The following PDE1C variants were observed in gnomAD, a reference collection of about 807,000 sequenced individuals.
PDE1C encodes the protein dual specificity calcium/calmodulin-dependent 3',5'-cyclic nucleotide phosphodiesterase 1C.
In PDE1C, 62 loss-of-function variants were observed where a neutral mutation model predicts 93.1. The observed-to-expected ratio is 0.67, with a 90% CI of 0.54 to 0.82. The LOEUF (loss-of-function observed/expected upper bound fraction) is 0.82, where lower values mean the gene tolerates loss of function less well. PDE1C is among the 40% of genes least tolerant of loss of function. The pLI is 0.00. For synonymous variants in PDE1C, 325 were observed against 310.1 expected, an observed-to-expected ratio of 1.05 and a Z score of -0.50; for missense variants, 742 against 884.6, an observed-to-expected ratio of 0.84 and a Z score of 2.04.
the PDE1C span, among the ~76,000 whole-genome samples, chr7:31,637,439 T>G: frequency 6.6e-6 from 1 of 152,214 alleles, no homozygotes; most frequent in African/African-American, 2.4e-5. Flanking sequence ...CTAACTGGTG[T>G]GAGATGGTAT....
chr7:32,102,734 G>A (rs1194078356), intron 3 of PDE1C, among the ~76,000 whole-genome samples: 1 of 152,258 alleles, frequency 6.6e-6, no homozygotes, highest in Non-Finnish European at 1.5e-5. Flanking sequence ...TTTAGTCTTT[G>A]TGTTCCTGGT....
At chr7:32,206,191 G>A (rs111496429) in intron 2 of PDE1C, among the ~76,000 whole-genome samples, 10 of 152,112 alleles carry the variant, frequency 6.6e-5, no homozygotes. Context: ...TAGCATGTAG[G>A]AGACCTTTGA....
chr7:32,334,833 G>A (rs1212126016), intron 1 of PDE1C, among the ~76,000 whole-genome samples: 1 of 152,072 alleles, frequency 6.6e-6, no homozygotes, highest in Non-Finnish European at 1.5e-5. Flanking sequence ...GTTCATAGTA[G>A]TTATCTTTGA....
At chr7:31,946,353 C>T (rs1365363238) in intron 2 of PDE1C, among the ~76,000 whole-genome samples, 2 of 152,038 alleles carry the variant, frequency 1.3e-5, no homozygotes, top group Non-Finnish European at 2.9e-5. Context: ...GGAAGGCTGC[C>T]CTGCCACACC....
intron 15 of PDE1C, among the ~76,000 whole-genome samples, chr7:31,814,593 T>C (rs1787989249): frequency 6.6e-6 from 1 of 151,682 alleles, no homozygotes; most frequent in Non-Finnish European, 1.5e-5. Flanking sequence ...GTAGAAATCA[T>C]TGACCACGGC....
intron 1 of PDE1C, among the ~76,000 whole-genome samples, chr7:32,355,119 C>G (rs1353276528): frequency 4.6e-5 from 7 of 152,208 alleles, no homozygotes; most frequent in Non-Finnish European, 8.8e-5. Flanking sequence ...TCCCAGGTAA[C>G]TAACCACAGC....
At chr7:32,203,787 C>G (rs1278469489) in intron 2 of PDE1C, among the ~76,000 whole-genome samples, 1 of 152,178 alleles carries the variant, frequency 6.6e-6, no homozygotes, top group Non-Finnish European at 1.5e-5. Flanking sequence ...TAACTAAGCA[C>G]TTATCCTGTC....
intron 2 of PDE1C, among the ~76,000 whole-genome samples, chr7:31,986,009 C>G (rs566558543): frequency 6.6e-6 from 1 of 152,186 alleles, no homozygotes; most frequent in African/African-American, 2.4e-5. Flanking sequence ...ACTAGTATAC[C>G]ACCAAAATTC....
chr7:31,655,481 G>T, the PDE1C span, among the ~76,000 whole-genome samples: 1 of 152,248 alleles, frequency 6.6e-6, no homozygotes, highest in South Asian at 2.1e-4. Flanking sequence ...CACCATGTGG[G>T]TCATATTTGC....
At chr7:32,163,623 C>T (rs1802048923) in intron 3 of PDE1C, among the ~76,000 whole-genome samples, 1 of 152,138 alleles carries the variant, frequency 6.6e-6, no homozygotes, top group South Asian at 2.1e-4. Context: ...GGAGTAAGCA[C>T]ATGATTCTTC....
At chr7:31,657,501 T>C in the PDE1C span, among the ~76,000 whole-genome samples, 2 of 152,220 alleles carry the variant, frequency 1.3e-5, no homozygotes, top group Non-Finnish European at 2.9e-5. Context: ...TGAGTCGCTT[T>C]CATACAAGGA....
intron 2 of PDE1C, among the ~76,000 whole-genome samples, chr7:31,932,480 G>A (rs771758862): frequency 2.0e-5 from 3 of 152,176 alleles, no homozygotes; most frequent in African/African-American, 4.8e-5. Context: ...ACCATCAGTG[G>A]TCATTAGAGA....
At chr7:32,288,981 T>C (rs1471887087) in intron 1 of PDE1C, among the ~76,000 whole-genome samples, 5 of 152,244 alleles carry the variant, frequency 3.3e-5, no homozygotes, top group African/African-American at 1.2e-4. Flanking sequence ...AAGGAGTCAG[T>C]ATTTTTCAAT....
At chr7:32,390,482 A>T (rs1784729942) in intron 1 of PDE1C, among the ~76,000 whole-genome samples, 2 of 150,782 alleles carry the variant, frequency 1.3e-5, no homozygotes, top group Admixed American at 1.3e-4. Context: ...GCAAAGAATG[A>T]TCTGGCCAAA....
rs78008556 is a variant in PDE1C, at chr7:32,174,312, A to T, written c.137-4356T>A. ...GCCAGGTTTCATTCTTCGCCCTAGA[A>T]ATGGAAAGATGAATGAGACTGGTTC... On this transcript the variant is annotated intron_variant, in intron 2 of 18. Transcript: ENST00000396193. Among the ~76,000 whole-genome samples, 1,510 of 152,188 alleles carry T rather than the reference A, an allele frequency of 9.9e-3. 26 individuals are homozygous for T. The highest frequency in any genetic ancestry group is 0.034 in the African/African-American group (1,416 of 41,522).
chr7:32,147,984 TA>T (rs752433564), intron 3 of PDE1C, among the ~76,000 whole-genome samples: 11,888 of 79,402 alleles, frequency 0.15, 829 homozygotes, highest in Middle Eastern at 0.19. Flanking sequence ...CCATTTATGC[TA>T]AAAAAAAAAA....
chr7:31,805,285 C>G (rs186669222), intron 16 of PDE1C, among the ~76,000 whole-genome samples: 421 of 151,736 alleles, frequency 2.8e-3, no homozygotes, highest in Admixed American at 9.9e-3. Flanking sequence ...GAGATTTCAT[C>G]ACATTCTCAG....
In PDE1C at chr7:32,421,412, C is replaced by T. The variant is rs988202714; in HGVS notation, c.310+6410G>A. Among the ~76,000 whole-genome samples the T allele has an allele frequency of 5.9e-5, 9 of 152,326 alleles. No individual in the cohort carries two copies. In the South Asian group the frequency reaches 1.5e-3, roughly 25 times the overall value. ...ATCAGATTCACCTACACGGATGATC[C>T]GTTAATGTGTGTGTAACCAATATTG... On this transcript the variant is annotated intron_variant, in intron 1 of 1. Coordinates refer to the PDE1C transcript ENST00000672256.
the PDE1C span, chr7:31,655,907 G>A: frequency 1.0e-6 from 1 of 985,398 alleles, no homozygotes; most frequent in Non-Finnish European, 1.2e-6. Flanking sequence ...TCCCTCACCT[G>A]GCAGCCATCT....
Sources: gnomAD v4.1 joint callset for allele counts (sites outside exome capture counted in the v4.1 genomes callset) on GRCh38, gnomAD v4.1.1 for gene constraint, MANE v1.5 for transcripts, NCBI Gene and HGNC (gene_info 2026-07-23, HGNC 2026-07-21) for gene names.